DPYD: variants seen among roughly 807,000 people sequenced by gnomAD.
The protein encoded by DPYD is dihydropyrimidine dehydrogenase.
In DPYD, 109 loss-of-function variants were observed where a neutral mutation model predicts 116.2. The observed-to-expected ratio is 0.94, with a 90% CI of 0.80 to 1.10. The LOEUF is 1.10. Ranked by LOEUF, DPYD falls within the 50% of genes least tolerant of loss-of-function variation. The pLI is 0.00. For missense variants in DPYD, 1,302 were observed against 1,254.5 expected, an observed-to-expected ratio of 1.04 and a Z score of -0.57; for synonymous variants, 440 against 432.0, an observed-to-expected ratio of 1.02 and a Z score of -0.23.
intron 14 of DPYD, among the ~76,000 whole-genome samples, chr1:97,432,853 T>G (rs537790400): frequency 5.9e-5 from 9 of 152,282 alleles, no homozygotes; most frequent in African/African-American, 1.9e-4. Context: ...TGCCTTCAAA[T>G]GTGTCGAGAG....
chr1:97,889,452 T>C (rs72979797), intron 1 of DPYD, among the ~76,000 whole-genome samples: 1,977 of 152,138 alleles, frequency 0.013, 46 homozygotes, highest in African/African-American at 0.044. Context: ...AGCAGCAGCA[T>C]GAAAGCTGCA....
At chr1:97,799,870 A>G (rs1031784022) in intron 3 of DPYD, among the ~76,000 whole-genome samples, 2 of 151,900 alleles carry the variant, frequency 1.3e-5, no homozygotes, top group South Asian at 2.1e-4. Context: ...TTGTTACCTT[A>G]AAGTGTGTTC....
intron 8 of DPYD, among the ~76,000 whole-genome samples, chr1:97,603,731 C>G (rs1279872634): frequency 6.6e-6 from 1 of 152,226 alleles, no homozygotes; most frequent in Middle Eastern, 3.4e-3. Context: ...TTCTTAAACA[C>G]AGGCACTGAT....
intron 8 of DPYD, among the ~76,000 whole-genome samples, 165 bp from the exon 9 acceptor site, chr1:97,595,331 TCA>T (rs1320766635): frequency 6.6e-6 from 1 of 152,132 alleles, no homozygotes; most frequent in African/African-American, 2.4e-5. Context: ...CTAACGGATC[TCA>T]GAGTATATTA....
rs539836654 is a variant in DPYD, at chr1:97,240,592, C to A, written c.2300-5598G>T. Among the ~76,000 whole-genome samples the A allele has an allele frequency of 2.6e-5, 4 of 151,716 alleles. No individual in the cohort carries two copies. In the South Asian group the frequency reaches 6.2e-4, roughly 24 times the overall value. Reference sequence around the variant, plus strand: ...TACTCATTCGTGCTCACTGTGTATGCAAAAAGAAAATGTAGTTTTAATTTG... The same window carrying A: ...TACTCATTCGTGCTCACTGTGTATGAAAAAAGAAAATGTAGTTTTAATTTG... On this transcript the variant is annotated intron_variant, in intron 18 of 22. Coordinates refer to ENST00000370192, the MANE Select transcript of DPYD (RefSeq NM_000110.4).
At chr1:97,224,908 T>C (rs985589760) in intron 19 of DPYD, among the ~76,000 whole-genome samples, 1 of 152,034 alleles carries the variant, frequency 6.6e-6, no homozygotes, top group South Asian at 2.1e-4. Flanking sequence ...ATTCATCTAT[T>C]GATAGACACT....
At chr1:97,791,595 A>G (rs990343641) in intron 3 of DPYD, among the ~76,000 whole-genome samples, 2 of 152,174 alleles carry the variant, frequency 1.3e-5, no homozygotes, top group Non-Finnish European at 2.9e-5. Flanking sequence ...ACTAAATGTG[A>G]TGGTCTGGTT....
chr1:97,263,916 C>T (rs555597583), intron 18 of DPYD, among the ~76,000 whole-genome samples: 1 of 151,940 alleles, frequency 6.6e-6, no homozygotes, highest in African/African-American at 2.4e-5. Context: ...AAAAATTACC[C>T]CCTTCATTTG....
chr1:97,440,857 A>G lies in DPYD; in HGVS notation c.1905+9202T>C, dbSNP rs142831355. Among the ~76,000 whole-genome samples the G allele has an allele frequency of 2.6e-3, 390 of 152,318 alleles. 3 individuals are homozygous for G. Among genetic ancestry groups the G allele is most frequent in the Non-Finnish European group, 4.3e-3 (292 of 68,016 alleles). ...CCTGGCATCATATTCCATCTGCCTA[A>G]AACAGTTTAACATTACGCAGTGTAG... On this transcript the variant is annotated intron_variant, in intron 14 of 22. Transcript: ENST00000370192.
intron 12 of DPYD, among the ~76,000 whole-genome samples, chr1:97,536,962 C>T (rs571344947): frequency 7.0e-4 from 107 of 152,252 alleles, no homozygotes; most frequent in South Asian, 2.9e-3. Context: ...TTCTAATTCT[C>T]GAATCATAGT....
chr1:97,833,769 T>C (rs1669638703), intron 2 of DPYD, among the ~76,000 whole-genome samples: 1 of 152,098 alleles, frequency 6.6e-6, no homozygotes. Context: ...GATCAGATTT[T>C]ATATGGTGAA....
At chr1:97,879,805 C>G (rs1672102390) in intron 2 of DPYD, among the ~76,000 whole-genome samples, 2 of 151,832 alleles carry the variant, frequency 1.3e-5, no homozygotes. Flanking sequence ...TTTTAGACTA[C>G]TTATTTTGCT....
chr1:97,883,914 C>A (rs778784028), intron 1 of DPYD: 3 of 445,208 alleles, frequency 6.7e-6, no homozygotes, highest in Non-Finnish European at 1.3e-5. Context: ...AGTGAGGAAT[C>A]CTATATTTGG....
At chr1:97,345,584 G>T (rs1252022585) in intron 16 of DPYD, among the ~76,000 whole-genome samples, 1 of 151,880 alleles carries the variant, frequency 6.6e-6, no homozygotes, top group Non-Finnish European at 1.5e-5. Context: ...TGACTGTCGG[G>T]ATGCGAGAAA....
intron 6 of DPYD, among the ~76,000 whole-genome samples, chr1:97,698,212 C>A (rs1661406342): frequency 6.6e-6 from 1 of 151,748 alleles, no homozygotes; most frequent in South Asian, 2.1e-4. Flanking sequence ...TTCATGCCCA[C>A]ACTAAAGGGT....
chr1:97,543,070 C>A (rs1324981521), intron 12 of DPYD, among the ~76,000 whole-genome samples: 1 of 152,132 alleles, frequency 6.6e-6, no homozygotes, highest in Non-Finnish European at 1.5e-5. Context: ...TCCATACTTT[C>A]TTTCATAATC....
intron 1 of DPYD, among the ~76,000 whole-genome samples, chr1:97,911,694 G>T (rs1673944612): frequency 6.6e-6 from 1 of 152,114 alleles, no homozygotes; most frequent in African/African-American, 2.4e-5. Context: ...AATTCTTTGA[G>T]AATCTGGTCT....
chr1:97,510,350 AAGG>A (rs1647689895), intron 13 of DPYD, among the ~76,000 whole-genome samples: 1 of 151,924 alleles, frequency 6.6e-6, no homozygotes, highest in Non-Finnish European at 1.5e-5. Context: ...CCAGTTTCTA[AAGG>A]AGATTTTATC....
intron 3 of DPYD, among the ~76,000 whole-genome samples, chr1:97,742,253 T>C (rs916882871): frequency 6.6e-6 from 1 of 152,142 alleles, no homozygotes; most frequent in Non-Finnish European, 1.5e-5. Flanking sequence ...GTTCATTTCC[T>C]TCATGAAAAC....
Sources: allele counts gnomAD v4.1 joint callset (sites outside exome capture counted in the v4.1 genomes callset), GRCh38; gene constraint gnomAD v4.1.1; transcripts MANE v1.5; gene names NCBI Gene and HGNC (gene_info 2026-07-23, HGNC 2026-07-21).